PLXNA2: variants seen among roughly 807,000 people sequenced by gnomAD.
The protein encoded by PLXNA2 is plexin-A2.
In PLXNA2, 91 loss-of-function variants were observed where a neutral mutation model predicts 193.5. That is an observed-to-expected ratio of 0.47 (90% CI 0.40 to 0.56). The LOEUF is 0.56. Ranked by LOEUF, PLXNA2 falls within the 20% of genes least tolerant of loss-of-function variation. The pLI, the probability that PLXNA2 is intolerant of heterozygous loss-of-function variation, is 0.00. For synonymous variants in PLXNA2, 997 were observed against 1,027.3 expected (o/e 0.97, Z 0.56); for missense variants, 1,995 against 2,503.2 (o/e 0.80, Z 4.33).
intron 4 of PLXNA2, among the ~76,000 whole-genome samples, chr1:208,106,724 C>T (rs1460656702): frequency 6.6e-6 from 1 of 152,186 alleles, no homozygotes. Flanking sequence ...TTATTAATTT[C>T]ACCTGTTCTT....
Position 208,217,432 on chromosome 1 carries a change from T to C in PLXNA2, c.491A>G (p.Lys164Arg). 6.2e-7 allele frequency: 1 copy of C among 1,614,170 alleles called. No individual in the cohort carries two copies. Among genetic ancestry groups the C allele is most frequent in the South Asian group, 1.1e-5 (1 of 91,084 alleles). The change falls in exon 2 of 32, where the codon AAG becomes AGG. Residue 164 changes from lysine to arginine, a missense_variant. This residue lies in a region of PLXNA2 where 702 missense variants were observed against 812.9 expected (regional missense o/e 0.86). Coordinates refer to ENST00000367033, the MANE Select transcript of PLXNA2 (RefSeq NM_025179.4). The surrounding 1 kb of genome is among the most constrained non-coding windows in gnomAD (Gnocchi z 4.7). ...AATCACCCCGTACATGGTGCCCGTCTTGTTGACACTGGACAGGTAGTGCTC... is the reference window on the plus strand; with the variant it reads ...AATCACCCCGTACATGGTGCCCGTCCTGTTGACACTGGACAGGTAGTGCTC... ...KKEHYLSSVNKTGTMYGVIVR... is the reference protein window; with the variant it reads ...KKEHYLSSVNRTGTMYGVIVR...
At chr1:208,084,706 C>G (rs17011896) in intron 9 of PLXNA2, 126 bp from the exon 10 acceptor site, 11 of 806,538 alleles carry the variant, frequency 1.4e-5, no homozygotes, top group South Asian at 1.8e-5. Flanking sequence ...ATGTAAGGCC[C>G]GTGGAATGGG....
At chr1:208,120,293 T>C (rs1322691278) in intron 4 of PLXNA2, among the ~76,000 whole-genome samples, 2 of 152,184 alleles carry the variant, frequency 1.3e-5, no homozygotes, top group African/African-American at 2.4e-5. Context: ...GATACTGAGA[T>C]GTGAAAATTA....
chr1:208,129,159 A>G (rs1170315823), intron 4 of PLXNA2, among the ~76,000 whole-genome samples: 1 of 152,164 alleles, frequency 6.6e-6, no homozygotes, highest in African/African-American at 2.4e-5. Flanking sequence ...TCCTCTTTCC[A>G]TGAACCTGGG....
intron 4 of PLXNA2, among the ~76,000 whole-genome samples, chr1:208,104,374 G>A (rs1056468281): frequency 2.6e-5 from 4 of 152,204 alleles, no homozygotes; most frequent in Admixed American, 6.5e-5. Context: ...ACAGAGAAAC[G>A]ACAGCGAACA....
chr1:208,237,753 C>G (rs1157485195), intron 1 of PLXNA2, among the ~76,000 whole-genome samples: 1 of 152,202 alleles, frequency 6.6e-6, no homozygotes. Context: ...CTTCCTCTGA[C>G]CCCCTAGTAC....
In PLXNA2 at chr1:208,236,348, C is replaced by T. The variant is rs970875248; in HGVS notation, c.-81+7295G>A. ...CAACGTAATATTTACCCAGCCTAGC[C>T]GAGGCCTTTCACTTTTATGAAGCAG... On this transcript the variant is annotated intron_variant, in intron 1 of 31. Coordinates refer to ENST00000367033, the MANE Select transcript of PLXNA2 (RefSeq NM_025179.4). The surrounding 1 kb of genome is among the most constrained non-coding windows in gnomAD (Gnocchi z 4.4). Among the ~76,000 whole-genome samples the T allele has an allele frequency of 3.3e-5, 5 of 152,264 alleles. No individual in the cohort carries two copies. The highest frequency in any genetic ancestry group is 2.1e-4 in the South Asian group (1 of 4,818).
In PLXNA2 at chr1:208,186,708, A is replaced by ATTTTGTTTTTTGTTTTTTGTTTT. The variant is rs368056918; in HGVS notation, c.1371+23571_1371+23572insAAAACAAAAAACAAAAAACAAAA. Among the ~76,000 whole-genome samples, 231 of 111,666 alleles carry ATTTTGTTTTTTGTTTTTTGTTTT rather than the reference A, an allele frequency of 2.1e-3. 18 individuals carry two copies. The highest frequency in any genetic ancestry group is 4.5e-3 in the African/African-American group (149 of 33,248). The allele number at this position is 111,666 out of a possible 152,430, so 73.3% of individuals were successfully genotyped here. On this transcript the variant is annotated intron_variant, in intron 3 of 31. Coordinates refer to ENST00000367033, the MANE Select transcript of PLXNA2 (RefSeq NM_025179.4). The stretch of plus-strand genomic sequence containing the variant: ...GGGCTGTCCTGGGAATTGCAATGTT[A>ATTTTGTTTTTTGTTTTTTGTTTT]TTTTATTTTTTTTTTTTTTTTTGAG...
At chr1:208,184,242 T>C (rs1404805594) in intron 3 of PLXNA2, among the ~76,000 whole-genome samples, 1 of 152,100 alleles carries the variant, frequency 6.6e-6, no homozygotes, top group African/African-American at 2.4e-5. Flanking sequence ...CGGGTAAGAA[T>C]GTTTATTCTG....
intron 15 of PLXNA2, among the ~76,000 whole-genome samples, 181 bp downstream of exon 15, chr1:208,052,146 C>T (rs555049925): frequency 5.9e-5 from 9 of 152,242 alleles, no homozygotes; most frequent in East Asian, 1.9e-4. Context: ...CTTTGATATA[C>T]GGGATATAAA....
At chr1:208,064,373 C>G (rs1288873830) in intron 12 of PLXNA2, among the ~76,000 whole-genome samples, 2 of 152,232 alleles carry the variant, frequency 1.3e-5, no homozygotes, top group Non-Finnish European at 1.5e-5. Context: ...GGCAAAGTCC[C>G]TAATTCCTAA....
At chr1:208,175,225 A>G (rs777432705) in intron 3 of PLXNA2, among the ~76,000 whole-genome samples, 10 of 152,178 alleles carry the variant, frequency 6.6e-5, no homozygotes, top group Non-Finnish European at 8.8e-5. Context: ...GATGAGAAAG[A>G]AGGCTAAAGG....
intron 28 of PLXNA2, 76 bp downstream of exon 28, chr1:208,033,243 A>T: frequency 7.3e-7 from 1 of 1,361,152 alleles, no homozygotes; most frequent in South Asian, 1.3e-5. Flanking sequence ...CACTCCAGAC[A>T]TCCTTTCTGT....
intron 4 of PLXNA2, among the ~76,000 whole-genome samples, chr1:208,109,805 A>T (rs1367059595): frequency 6.6e-6 from 1 of 152,192 alleles, no homozygotes; most frequent in Non-Finnish European, 1.5e-5. Context: ...CCACTGCGAG[A>T]TCCGAGGCAA....
intron 3 of PLXNA2, among the ~76,000 whole-genome samples, chr1:208,173,772 T>C (rs989988030): frequency 9.2e-5 from 14 of 152,228 alleles, no homozygotes; most frequent in African/African-American, 3.4e-4. Flanking sequence ...GCCAGCCATA[T>C]TGGGGCCAAG....
Position 208,025,007 on chromosome 1 carries a change from G to A in PLXNA2, c.*2236C>T, listed in dbSNP as rs1370552076. The stretch of plus-strand genomic sequence containing the variant: ...AAGAGCAAACACTTTGGCTTAGTGC[G>A]GAAGGCCAGTCATTAGTATTTCCTT... On this transcript the variant is annotated 3_prime_UTR_variant, in exon 32 of 32. Coordinates refer to ENST00000367033, the MANE Select transcript of PLXNA2 (RefSeq NM_025179.4). 2 of 152,600 alleles carry A rather than the reference G, an allele frequency of 1.3e-5. No homozygotes were observed. The highest frequency in any genetic ancestry group is 2.9e-5 in the Non-Finnish European group (2 of 68,038). The allele number at this position is 152,600 out of a possible 1,614,324, so 9.5% of individuals were successfully genotyped here.
intron 17 of PLXNA2, among the ~76,000 whole-genome samples, chr1:208,048,761 C>CA (rs1665159136): frequency 6.6e-6 from 1 of 152,230 alleles, no homozygotes; most frequent in Non-Finnish European, 1.5e-5. Context: ...GTCACGTACT[C>CA]ACTCTCCAGA....
intron 4 of PLXNA2, among the ~76,000 whole-genome samples, chr1:208,124,963 C>T (rs954122943): frequency 7.9e-5 from 12 of 152,188 alleles, no homozygotes; most frequent in East Asian, 1.9e-4. Context: ...CCATGACATT[C>T]GGGTATAAAC....
At chr1:208,075,614 T>C (rs923799122) in intron 12 of PLXNA2, among the ~76,000 whole-genome samples, 1 of 152,252 alleles carries the variant, frequency 6.6e-6, no homozygotes, top group Non-Finnish European at 1.5e-5. Flanking sequence ...TTTCATCTAC[T>C]AATTTTAGTG....
Sources: allele counts gnomAD v4.1 joint callset (sites outside exome capture counted in the v4.1 genomes callset), GRCh38; gene constraint gnomAD v4.1.1; regional missense constraint gnomAD v4.1.1; non-coding constraint Gnocchi (gnomAD v3.1); transcripts MANE v1.5; gene names NCBI Gene and HGNC (gene_info 2026-07-23, HGNC 2026-07-21).